CYP2J2: variants seen among roughly 807,000 people sequenced by gnomAD.
The protein encoded by CYP2J2 is cytochrome P450 2J2.
A neutral mutation model predicts 48.8 loss-of-function variants in CYP2J2; 41 were observed. The ratio of observed to expected loss-of-function variants is 0.84; its 90% confidence interval spans 0.66 to 1.09. The LOEUF is 1.09. CYP2J2 is among the 50% of genes least tolerant of loss of function. The pLI is 0.00. For missense variants in CYP2J2, 644 were observed against 617.3 expected (o/e 1.04, Z -0.46); for synonymous variants, 221 against 227.1 (o/e 0.97, Z 0.24).
intron 6 of CYP2J2, among the ~76,000 whole-genome samples, chr1:59,907,389 T>A (rs1395990624): frequency 6.6e-6 from 1 of 152,128 alleles, no homozygotes; most frequent in Non-Finnish European, 1.5e-5. Context: ...AGAAGGGGCA[T>A]ATCGGAGGTT....
intron 6 of CYP2J2, among the ~76,000 whole-genome samples, chr1:59,907,067 G>A (rs1214965493): frequency 6.6e-6 from 1 of 152,164 alleles, no homozygotes; most frequent in East Asian, 1.9e-4. Context: ...CATCATTCTT[G>A]AGTGGACTAT....
upstream of CYP2J2, among the ~76,000 whole-genome samples, chr1:59,930,435 C>T (rs934524611): frequency 1.5e-4 from 23 of 152,126 alleles, no homozygotes; most frequent in African/African-American, 5.3e-4. Flanking sequence ...TTATACTATT[C>T]ATCCTAATAT....
chr1:59,922,679 G>GA (rs1316344836), intron 1 of CYP2J2, among the ~76,000 whole-genome samples: 2 of 151,874 alleles, frequency 1.3e-5, no homozygotes, highest in Admixed American at 6.5e-5. Context: ...AGATAAGGTT[G>GA]AAAAAAAGCA....
At chr1:59,961,844 AAAAT>A in the CYP2J2 span, among the ~76,000 whole-genome samples, 1 of 152,182 alleles carries the variant, frequency 6.6e-6, no homozygotes, top group Non-Finnish European at 1.5e-5. Flanking sequence ...TAAATGCTGC[AAAAT>A]AAATAAACCT....
chr1:59,936,156 T>G, the CYP2J2 span, among the ~76,000 whole-genome samples: 1 of 152,204 alleles, frequency 6.6e-6, no homozygotes, highest in Non-Finnish European at 1.5e-5. Context: ...TTACAGTAAC[T>G]ATTTCACTAA....
intron 8 of CYP2J2, among the ~76,000 whole-genome samples, chr1:59,898,332 T>C (rs996372898): frequency 1.3e-5 from 2 of 152,146 alleles, no homozygotes; most frequent in African/African-American, 2.4e-5. Context: ...ATCACCACCA[T>C]GTGACTAAGC....
At chr1:59,952,576 G>A in the CYP2J2 span, among the ~76,000 whole-genome samples, 2 of 152,152 alleles carry the variant, frequency 1.3e-5, no homozygotes, top group Non-Finnish European at 2.9e-5. Flanking sequence ...AGAAGGGGGA[G>A]ACTGCTGCTC....
At chr1:59,944,879 G>A in the CYP2J2 span, among the ~76,000 whole-genome samples, 2 of 150,734 alleles carry the variant, frequency 1.3e-5, no homozygotes, top group Non-Finnish European at 2.9e-5. Context: ...CTGAAATCAT[G>A]ACCCTCACCC....
chr1:59,961,766 A>C, the CYP2J2 span, among the ~76,000 whole-genome samples: 1 of 152,156 alleles, frequency 6.6e-6, no homozygotes, highest in Non-Finnish European at 1.5e-5. Flanking sequence ...ATATCCATAC[A>C]ATATTATAAT....
At chr1:59,932,698 T>C in the CYP2J2 span, among the ~76,000 whole-genome samples, 2 of 148,262 alleles carry the variant, frequency 1.3e-5, no homozygotes, top group African/African-American at 4.9e-5. Flanking sequence ...TTTATTTTCT[T>C]ATTCTATTTT....
At position 59,901,026 on chromosome 1, in the gene CYP2J2, C is replaced by A. The variant is rs1007464108; in HGVS notation, c.1269G>T (p.Pro423=). 2 of 1,614,054 alleles carry A rather than the reference C, an allele frequency of 1.2e-6. No individual in the cohort carries two copies. Among genetic ancestry groups the A allele is most frequent in the Non-Finnish European group, 8.5e-7 (1 of 1,179,990 alleles). Residue 423 remains proline, a synonymous_variant, in exon 8 of 9, where the codon CCG becomes CCT. Transcript: ENST00000371204. ...ACTGTCCATTCTCCAGAAAATGGTC[C>A]GGATTGAATGTGTCAGGGGTGGCCC... The part of the protein sequence containing the change: ...TEWATPDTFN[P]DHFLENGQFK...
the CYP2J2 span, among the ~76,000 whole-genome samples, chr1:59,953,844 T>C: frequency 3.9e-5 from 6 of 152,128 alleles, no homozygotes; most frequent in Admixed American, 3.9e-4. Flanking sequence ...GTAAGGGTCA[T>C]ATCATGGAGA....
chr1:59,932,057 T>A, the CYP2J2 span, among the ~76,000 whole-genome samples: 3 of 152,194 alleles, frequency 2.0e-5, no homozygotes, highest in African/African-American at 7.2e-5. Context: ...TTGGTCATCA[T>A]AACTTTTATG....
At chr1:59,898,084 A>C (rs1644285239) in intron 8 of CYP2J2, among the ~76,000 whole-genome samples, 1 of 152,198 alleles carries the variant, frequency 6.6e-6, no homozygotes, top group Non-Finnish European at 1.5e-5. Context: ...CTCAGTCAGA[A>C]AGAGAGATGG....
chr1:59,934,997 TATATATATATATATATAC>T, the CYP2J2 span, among the ~76,000 whole-genome samples: 4,658 of 49,748 alleles, frequency 0.094, 245 homozygotes, highest in African/African-American at 0.11. Flanking sequence ...GGGATATATA[TATATATATATATATATAC>T]ATATATATAT....
chr1:59,935,265 G>A, the CYP2J2 span, among the ~76,000 whole-genome samples: 6 of 151,724 alleles, frequency 4.0e-5, no homozygotes, highest in African/African-American at 1.2e-4. Flanking sequence ...TGGGGAAAGG[G>A]GAGATGTTGG....
chr1:59,913,524 T>C (rs1463843172), intron 2 of CYP2J2, among the ~76,000 whole-genome samples: 2 of 152,186 alleles, frequency 1.3e-5, no homozygotes, highest in African/African-American at 4.8e-5. Flanking sequence ...AAATACCTTA[T>C]ACTCTTCTAA....
At position 59,923,394 on chromosome 1, in the gene CYP2J2, T is replaced by C. The variant is rs531032907; in HGVS notation, c.210+3143A>G. Among the ~76,000 whole-genome samples the C allele has an allele frequency of 9.8e-5, 15 of 152,326 alleles. No homozygotes were observed. In the East Asian group the frequency reaches 2.9e-3, roughly 29 times the overall value. On this transcript the variant is annotated intron_variant, in intron 1 of 8. Coordinates refer to ENST00000371204, the MANE Select transcript of CYP2J2 (RefSeq NM_000775.4). ...CAGGGTAAGTCTTATAACAAATATA[T>C]AAAATGTCCAGGATATAGTCCATAA...
chr1:59,967,094 G>A, the CYP2J2 span, among the ~76,000 whole-genome samples: 5 of 152,122 alleles, frequency 3.3e-5, no homozygotes, highest in Admixed American at 2.0e-4. Flanking sequence ...CAGCCTTTGA[G>A]CAGATGTAGT....
Sources: gnomAD v4.1 joint callset for allele counts (sites outside exome capture counted in the v4.1 genomes callset) on GRCh38, gnomAD v4.1.1 for gene constraint, MANE v1.5 for transcripts, NCBI Gene and HGNC (gene_info 2026-07-23, HGNC 2026-07-21) for gene names.